Variants in WDTC1 observed in about 807,000 individuals in gnomAD.
WDTC1 encodes WD and tetratricopeptide repeats 1, also known as WD and tetratricopeptide repeats protein 1.
In WDTC1, 12 loss-of-function variants were observed where a neutral mutation model predicts 76.0. That is an observed-to-expected ratio of 0.16 (90% CI 0.10 to 0.26). WDTC1 has a LOEUF of 0.26. Among genes scored for constraint, WDTC1 ranks in the 10% least tolerant of loss-of-function variants. WDTC1 has a pLI of 1.00. For missense variants in WDTC1, 511 were observed against 908.8 expected (o/e 0.56, Z 5.63); for synonymous variants, 326 against 350.8 (o/e 0.93, Z 0.79).
chr1:27,273,902 A>G (rs960592871), intron 3 of WDTC1, among the ~76,000 whole-genome samples: 3 of 152,032 alleles, frequency 2.0e-5, no homozygotes, highest in Admixed American at 1.3e-4. Flanking sequence ...TAATTTATCA[A>G]TTAGGTAAAA....
intron 3 of WDTC1, among the ~76,000 whole-genome samples, chr1:27,280,285 A>C (rs1043990077): frequency 3.9e-5 from 6 of 152,214 alleles, no homozygotes; most frequent in African/African-American, 1.4e-4. Flanking sequence ...TTAAAGAAGG[A>C]ACAAAAGAAA....
chr1:27,283,499 G>C (rs1257839489), intron 5 of WDTC1, 50 bp downstream of exon 5: 29 of 1,573,772 alleles, frequency 1.8e-5, no homozygotes, highest in Non-Finnish European at 2.5e-5. Context: ...TCAAGCACAA[G>C]AGTGACTGGG....
intron 1 of WDTC1, among the ~76,000 whole-genome samples, chr1:27,235,160 G>T (rs2011467570): frequency 6.6e-6 from 1 of 152,122 alleles, no homozygotes; most frequent in South Asian, 2.1e-4. Flanking sequence ...CGGGGTGGGG[G>T]CGGAGGGTTT....
chr1:27,266,091 A>G (rs891158495), intron 3 of WDTC1, among the ~76,000 whole-genome samples: 4 of 152,216 alleles, frequency 2.6e-5, no homozygotes, highest in Non-Finnish European at 4.4e-5. Context: ...CCACTACTCT[A>G]TAGAGCCATG....
At chr1:27,258,734 T>C (rs1460988414) in intron 1 of WDTC1, among the ~76,000 whole-genome samples, 2 of 152,084 alleles carry the variant, frequency 1.3e-5, no homozygotes, top group Non-Finnish European at 2.9e-5. Flanking sequence ...TAACATAATG[T>C]TTAGGTGTCG....
At chr1:27,238,593 C>T (rs1376270709) in intron 1 of WDTC1, among the ~76,000 whole-genome samples, 2 of 151,630 alleles carry the variant, frequency 1.3e-5, no homozygotes, top group African/African-American at 4.8e-5. Flanking sequence ...GATTCCCATG[C>T]CTCACTTCAT....
chr1:27,302,055 G>A (rs896814142), intron 13 of WDTC1, among the ~76,000 whole-genome samples: 4 of 152,196 alleles, frequency 2.6e-5, no homozygotes, highest in Non-Finnish European at 4.4e-5. Flanking sequence ...CTGGGCCATC[G>A]GAGTGTGGTC....
intron 3 of WDTC1, among the ~76,000 whole-genome samples, chr1:27,269,164 C>CAAAAA (rs34447091): frequency 3.4e-5 from 2 of 58,858 alleles, no homozygotes; most frequent in Admixed American, 2.9e-4. Flanking sequence ...CCTGTTTCTC[C>CAAAAA]AAAAAAAAAA....
At chr1:27,278,637 T>C (rs1213208996) in intron 3 of WDTC1, among the ~76,000 whole-genome samples, 1 of 152,236 alleles carries the variant, frequency 6.6e-6, no homozygotes, top group Non-Finnish European at 1.5e-5. Context: ...TCTAACCACA[T>C]TGGCTTTCAT....
At position 27,256,919 on chromosome 1, in the gene WDTC1, T is replaced by C. The variant is rs1490982664; in HGVS notation, c.-99-4037T>C. ...CTCTGTTGCCCAGGCTGGAGCGCAGTAGCACGATCTCGTCTCACTGCAAGC... is the reference window on the plus strand; with the variant it reads ...CTCTGTTGCCCAGGCTGGAGCGCAGCAGCACGATCTCGTCTCACTGCAAGC... On this transcript the variant is annotated intron_variant, in intron 1 of 15. Coordinates refer to ENST00000319394, the MANE Select transcript of WDTC1 (RefSeq NM_001276252.2). Among the ~76,000 whole-genome samples the C allele has an allele frequency of 2.0e-5, 3 of 152,212 alleles. No homozygotes were observed. The East Asian group carries it at 5.8e-4, about 29-fold the overall frequency.
At chr1:27,246,298 T>G (rs933149351) in intron 1 of WDTC1, among the ~76,000 whole-genome samples, 2 of 152,210 alleles carry the variant, frequency 1.3e-5, no homozygotes, top group African/African-American at 4.8e-5. Context: ...TTCTTGACAT[T>G]TCACATAAAT....
chr1:27,296,237 A>T, intron 9 of WDTC1, 89 bp from the exon 10 acceptor site: 3 of 1,440,242 alleles, frequency 2.1e-6, no homozygotes, highest in Non-Finnish European at 2.9e-6. Context: ...CCAAGACTCT[A>T]GTTCTTGAGA....
intron 1 of WDTC1, among the ~76,000 whole-genome samples, chr1:27,239,667 T>C (rs2011571191): frequency 6.7e-6 from 1 of 150,104 alleles, no homozygotes; most frequent in Non-Finnish European, 1.5e-5. Flanking sequence ...TACAAAAAAT[T>C]AGCCAGCCGT....
chr1:27,284,019 G>A (rs2013263421), intron 5 of WDTC1, among the ~76,000 whole-genome samples: 1 of 152,186 alleles, frequency 6.6e-6, no homozygotes. Flanking sequence ...GGAGTTGAGC[G>A]GAGGAGAGGT....
chr1:27,238,603 T>A (rs79318765), intron 1 of WDTC1, among the ~76,000 whole-genome samples: 20,036 of 151,910 alleles, frequency 0.13, 1,662 homozygotes, highest in Non-Finnish European at 0.18. Flanking sequence ...CCTCACTTCA[T>A]CTTCCAGGCT....
intron 3 of WDTC1, among the ~76,000 whole-genome samples, chr1:27,266,613 T>C (rs2012683037): frequency 6.6e-6 from 1 of 152,202 alleles, no homozygotes; most frequent in African/African-American, 2.4e-5. Flanking sequence ...TCTTAAAGTT[T>C]CCTAAGACGC....
At chr1:27,283,509 G>GCTTGCT in intron 5 of WDTC1, 60 bp downstream of exon 5, 1 of 1,525,530 alleles carries the variant, frequency 6.6e-7, no homozygotes, top group Non-Finnish European at 9.0e-7. Context: ...GAGTGACTGG[G>GCTTGCT]CTGTGGCCAC....
chr1:27,303,632 G>A lies in WDTC1; in HGVS notation c.1480G>A (p.Gly494Arg), dbSNP rs759391760. 1.1e-5 allele frequency: 17 copies of A among 1,598,062 alleles called. No homozygotes were observed. Among genetic ancestry groups the A allele is most frequent in the Non-Finnish European group, 4.3e-6 (5 of 1,174,738 alleles). ...FSKNDGEEKK[G>R]PGGGAPVRLR... ...ATCTCTGCCCCCAGAGGAGAAGAAGGGACCTGGTGGCGGCGCCCCAGTCCG... is the reference window on the plus strand; with the variant it reads ...ATCTCTGCCCCCAGAGGAGAAGAAGAGACCTGGTGGCGGCGCCCCAGTCCG... The change falls in exon 14 of 16, where the codon GGA becomes AGA. Residue 494 changes from glycine (G) to arginine (R), a missense_variant. Physicochemically the swap from Gly to Arg is moderately radical, Grantham distance 125. Coordinates refer to ENST00000319394, the MANE Select transcript of WDTC1 (RefSeq NM_001276252.2). The surrounding 1 kb of genome is among the most constrained non-coding windows in gnomAD (Gnocchi z 4.8).
At chr1:27,292,537 C>G in intron 7 of WDTC1, 140 bp downstream of exon 7, 1 of 728,548 alleles carries the variant, frequency 1.4e-6, no homozygotes, top group East Asian at 3.3e-5. Flanking sequence ...AAGCGATCCT[C>G]CCATCTCAGC....
Sources: gnomAD v4.1 joint callset for allele counts (sites outside exome capture counted in the v4.1 genomes callset) on GRCh38, gnomAD v4.1.1 for gene constraint, Gnocchi (gnomAD v3.1) non-coding constraint, MANE v1.5 for transcripts, NCBI Gene and HGNC (gene_info 2026-07-23, HGNC 2026-07-21) for gene names.